Variants in TNR observed in about 807,000 individuals in gnomAD.
TNR encodes tenascin R.
Under a neutral mutation model 150.4 loss-of-function variants are expected in TNR, and 45 were observed. The ratio of observed to expected loss-of-function variants is 0.30; its 90% CI spans 0.24 to 0.38. The LOEUF is 0.38. Among genes scored for constraint, TNR ranks in the 10% least tolerant of loss-of-function variants. The pLI, the probability that TNR is intolerant of heterozygous loss-of-function variation, is 1.00. For missense variants in TNR, 1,544 were observed against 1,759.1 expected, an observed-to-expected ratio of 0.88 and a Z score of 2.19; for synonymous variants, 687 against 678.4, an observed-to-expected ratio of 1.01 and a Z score of -0.20.
rs935238691 is a variant in TNR, at chr1:175,535,523, C to T, written c.-164-7154G>A. Among the ~76,000 whole-genome samples the T allele has an allele frequency of 9.2e-5, 14 of 151,932 alleles. No homozygotes were observed. The South Asian group carries it at 2.9e-3, about 32-fold the overall frequency. On this transcript the variant is annotated intron_variant, in intron 1 of 22. Coordinates refer to ENST00000367674, the MANE Select transcript of TNR (RefSeq NM_003285.3). ...TCGCCCAGGCTGGAGTGCAGTGGCG[C>T]GATCTCGGCTCACTGCAAGCTCTGC...
chr1:175,500,229 A>G (rs1007397633), intron 2 of TNR, among the ~76,000 whole-genome samples: 1 of 152,202 alleles, frequency 6.6e-6, no homozygotes, highest in African/African-American at 2.4e-5. Context: ...ATGACACATC[A>G]GTCACTTGAG....
chr1:175,334,163 A>G (rs1305537636), intron 20 of TNR, among the ~76,000 whole-genome samples: 1 of 152,180 alleles, frequency 6.6e-6, no homozygotes, highest in Non-Finnish European at 1.5e-5. Context: ...GTGGTCATGA[A>G]CCAACCTTTG....
At chr1:175,424,114 T>G (rs906014529) in intron 2 of TNR, among the ~76,000 whole-genome samples, 1 of 152,272 alleles carries the variant, frequency 6.6e-6, no homozygotes, top group African/African-American at 2.4e-5. Context: ...TTTCCACTTT[T>G]TAATCTGTGT....
At position 175,474,785 on chromosome 1, in the gene TNR, T is replaced by C. The variant is rs796545316; in HGVS notation, c.-64+53484A>G. ...TATAACTATGGGTAAAATGTTTGCA[T>C]AGGTAGGAAGGTGCTCAGTTTGTAT... On this transcript the variant is annotated intron_variant, in intron 2 of 22. Coordinates refer to ENST00000367674, the MANE Select transcript of TNR (RefSeq NM_003285.3). Among the ~76,000 whole-genome samples the C allele has an allele frequency of 9.2e-5, 14 of 152,286 alleles. 1 individual carries two copies. Among genetic ancestry groups the C allele is most frequent in the African/African-American group, 3.4e-4 (14 of 41,552 alleles).
chr1:175,680,547 A>G (rs1249385555), intron 1 of TNR, among the ~76,000 whole-genome samples: 1 of 152,100 alleles, frequency 6.6e-6, no homozygotes, highest in Non-Finnish European at 1.5e-5. Flanking sequence ...CGGAGTAGAG[A>G]GATGAGAGAA....
At position 175,663,441 on chromosome 1, in the gene TNR, C is replaced by T. The variant is rs543952891; in HGVS notation, c.-165+79785G>A. On this transcript the variant is annotated intron_variant, in intron 1 of 22. Coordinates refer to ENST00000367674, the MANE Select transcript of TNR (RefSeq NM_003285.3). ...CTGGATGGCTAATTTGCCAGCAAGACGAGAAAGATGAAGCAAGCTTGCAAG... is the reference window on the plus strand; with the variant it reads ...CTGGATGGCTAATTTGCCAGCAAGATGAGAAAGATGAAGCAAGCTTGCAAG... 2.4e-4 allele frequency among the ~76,000 whole-genome samples: 36 copies of T among 152,178 alleles called. 1 individual carries two copies. The highest frequency in any genetic ancestry group is 3.4e-4 in the African/African-American group (14 of 41,488).
intron 1 of TNR, among the ~76,000 whole-genome samples, chr1:175,740,632 C>G (rs529082576): frequency 4.6e-5 from 7 of 152,228 alleles, no homozygotes; most frequent in African/African-American, 1.7e-4. Context: ...GGCTTTGTCT[C>G]CAGATTGCTG....
chr1:175,454,032 C>T (rs1053317949), intron 2 of TNR, among the ~76,000 whole-genome samples: 2 of 152,272 alleles, frequency 1.3e-5, no homozygotes, highest in East Asian at 3.9e-4. Flanking sequence ...TGTGCTTAGG[C>T]CTAGTACTGT....
At chr1:175,702,032 T>C (rs901268973) in intron 1 of TNR, among the ~76,000 whole-genome samples, 1 of 152,212 alleles carries the variant, frequency 6.6e-6, no homozygotes, top group South Asian at 2.1e-4. Flanking sequence ...ACTGACAGAT[T>C]GATTAAACAG....
intron 2 of TNR, among the ~76,000 whole-genome samples, chr1:175,507,808 T>C (rs1659020651): frequency 6.6e-6 from 1 of 152,244 alleles, no homozygotes. Context: ...GGCACCAGCA[T>C]GAGTGACAAG....
intron 2 of TNR, among the ~76,000 whole-genome samples, chr1:175,459,112 C>A (rs937065631): frequency 2.0e-5 from 3 of 151,898 alleles, no homozygotes; most frequent in Non-Finnish European, 2.9e-5. Context: ...ATATTATTAC[C>A]ATCACCATCC....
At chr1:175,704,711 C>T (rs1666800020) in intron 1 of TNR, among the ~76,000 whole-genome samples, 1 of 152,222 alleles carries the variant, frequency 6.6e-6, no homozygotes, top group Admixed American at 6.5e-5. Context: ...AGCAGCTCCT[C>T]CTTCAAAGAG....
At chr1:175,686,045 A>G (rs188937732) in intron 1 of TNR, among the ~76,000 whole-genome samples, 13 of 152,164 alleles carry the variant, frequency 8.5e-5, no homozygotes, top group Middle Eastern at 6.8e-3. Context: ...TTTTGATTGC[A>G]CGCACACACG....
At chr1:175,547,626 AAAGAAAGAAAGAGAAAGAAAGAAAGGAAG>A (rs1447577906) in intron 1 of TNR, among the ~76,000 whole-genome samples, 2,364 of 147,014 alleles carry the variant, frequency 0.016, 56 homozygotes, top group African/African-American at 0.056. Flanking sequence ...AGAAACAAAG[AAAGAAAGAAAGAGAAAGAAAGAAAGGAAG>A]AAGAAAGAAA....
intron 1 of TNR, among the ~76,000 whole-genome samples, chr1:175,675,736 C>G (rs577870295): frequency 2.6e-5 from 4 of 152,312 alleles, no homozygotes; most frequent in South Asian, 4.2e-4. Flanking sequence ...CCACTCTCCC[C>G]CTGAGGTCTA....
chr1:175,696,226 T>TTGTTGTTGTTG (rs1558077842), intron 1 of TNR, among the ~76,000 whole-genome samples: 2,661 of 136,376 alleles, frequency 0.02, 100 homozygotes, highest in African/African-American at 0.077. Context: ...AGTTTTTTTT[T>TTGTTGTTGTTG]TTTTTTTTTT....
At chr1:175,732,456 C>T (rs1667669915) in intron 1 of TNR, among the ~76,000 whole-genome samples, 1 of 152,180 alleles carries the variant, frequency 6.6e-6, no homozygotes, top group South Asian at 2.1e-4. Flanking sequence ...CTTTTCTCAT[C>T]TTGAGAGAGT....
chr1:175,491,901 G>A (rs1246856649), intron 2 of TNR, among the ~76,000 whole-genome samples: 1 of 151,244 alleles, frequency 6.6e-6, no homozygotes, highest in Non-Finnish European at 1.5e-5. Flanking sequence ...CGCCCGCCTT[G>A]GCCTCCCAAA....
At chr1:175,647,352 AT>A (rs1664838731) in intron 1 of TNR, among the ~76,000 whole-genome samples, 1 of 150,792 alleles carries the variant, frequency 6.6e-6, no homozygotes, top group Admixed American at 6.6e-5. Context: ...GTGGAGTTTT[AT>A]TTAATTCTTT....
Sources: gnomAD v4.1 joint callset for allele counts (sites outside exome capture counted in the v4.1 genomes callset) on GRCh38, gnomAD v4.1.1 for gene constraint, MANE v1.5 for transcripts, NCBI Gene and HGNC (gene_info 2026-07-23, HGNC 2026-07-21) for gene names.